Variants in PEX2 observed in about 807,000 individuals in gnomAD.
PEX2 encodes the protein peroxisome biogenesis factor 2.
A neutral mutation model predicts 25.2 loss-of-function variants in PEX2; 19 were observed. The observed-to-expected ratio is 0.75, with a 90% CI of 0.53 to 1.10. The LOEUF is 1.10. Ranked by LOEUF, PEX2 falls within the 50% of genes least tolerant of loss-of-function variation. The probability of loss-of-function intolerance (pLI) is 0.00; values close to 1 mark genes in which losing one functional copy is unlikely to be tolerated. For missense variants in PEX2, 347 were observed against 350.6 expected (o/e 0.99, Z 0.08); for synonymous variants, 141 against 127.7 (o/e 1.10, Z -0.70).
At chr8:76,989,121 C>T (rs1308463329) in intron 1 of PEX2, among the ~76,000 whole-genome samples, 1 of 151,226 alleles carries the variant, frequency 6.6e-6, no homozygotes, top group East Asian at 1.9e-4. Flanking sequence ...TGAGAGGCTG[C>T]AGTGAGCTGA....
At chr8:76,988,573 T>C (rs1267571407) in intron 1 of PEX2, among the ~76,000 whole-genome samples, 3 of 152,204 alleles carry the variant, frequency 2.0e-5, no homozygotes, top group Non-Finnish European at 4.4e-5. Context: ...CCTGCCTTGA[T>C]GTTGATGCCT....
Position 76,983,767 on chromosome 8 carries a change from A to G in PEX2, c.412T>C (p.Cys138Arg). 2 of 1,614,044 alleles carry G rather than the reference A, an allele frequency of 1.2e-6. No individual in the cohort carries two copies. The highest frequency in any genetic ancestry group is 2.2e-5 in the South Asian group (2 of 91,082). The change falls in exon 4 of 4, where the codon TGT becomes CGT. Residue 138 changes from cysteine (C) to arginine (R), a missense_variant. Transcript: ENST00000357039. ...AAAAGTCCAATCACAAAATTCACAC[A>G]CTGCTTGACTTTCCCAAATGATGCT... ...HLASFGKVKQ[C>R]VNFVIGLLKL...
At position 76,981,884 on chromosome 8, in the gene PEX2, C is replaced by T. The variant is rs1430825535; in HGVS notation, c.*1377G>A. 2.6e-5 allele frequency: 4 copies of T among 152,166 alleles called. No homozygotes were observed. Among genetic ancestry groups the T allele is most frequent in the African/African-American group, 7.2e-5 (3 of 41,430 alleles). 9.4% of individuals were successfully genotyped at this position (152,166 alleles called of 1,614,324 possible). ...ACTACAAAACTTCTTCAGTATCTTA[C>T]ACTAAATTGAACCTAAATTAAACTT... is the stretch of plus-strand genomic sequence containing the variant. On this transcript the variant is annotated 3_prime_UTR_variant, in exon 4 of 4. Coordinates refer to ENST00000357039, the MANE Select transcript of PEX2 (RefSeq NM_000318.3).
In PEX2 at chr8:76,983,812, A is replaced by T; in HGVS notation, c.367T>A (p.Leu123Met). Residue 123 changes from leucine (L) to methionine (M), a missense_variant, in exon 4 of 4, where the codon TTG becomes ATG. Physicochemically the swap from Leu to Met is conservative, Grantham distance 15. Transcript: ENST00000357039. ...GRWLEERCYD[L>M]FRNHHLASFG... is the part of the protein sequence containing the mutation. ...GATGCTAAATGATGGTTTCGAAACA[A>T]ATCATAGCATCGTTCTTCTAACCAC... 1 of 1,614,202 alleles carries T rather than the reference A, an allele frequency of 6.2e-7. No individual in the cohort carries two copies. The highest frequency in any genetic ancestry group is 8.5e-7 in the Non-Finnish European group (1 of 1,180,028).
intron 3 of PEX2, among the ~76,000 whole-genome samples, chr8:76,985,341 G>C (rs960739786): frequency 2.0e-5 from 3 of 152,080 alleles, no homozygotes. Flanking sequence ...TAGTCAAAGG[G>C]TGCAAATTTT....
In PEX2 at chr8:76,983,229, AT is replaced by A; in HGVS notation, c.*31del. ...AATATTAAGAATTTAAACACGGTGC[AT>A]TTTTTTCCTCAAAGGAAGCAATTTT... On this transcript the variant is annotated 3_prime_UTR_variant, in exon 4 of 4. Transcript: ENST00000357039. 2.5e-6 allele frequency: 4 copies of A among 1,606,162 alleles called. No homozygotes were observed. The highest frequency in any genetic ancestry group is 1.7e-6 in the Non-Finnish European group (2 of 1,179,750).
At position 76,983,311 on chromosome 8, in the gene PEX2, G is replaced by A. The variant is rs2132042893; in HGVS notation, c.868C>T (p.Leu290=). ...CPKCGTEVHS[L]QPLKSGIEMS... ...TCGATTCCTGATTTCAGTGGCTGCAGACTGTGTACTTCTGTGCCACACTTA... is the reference window on the plus strand; with the variant it reads ...TCGATTCCTGATTTCAGTGGCTGCAAACTGTGTACTTCTGTGCCACACTTA... The change falls in exon 4 of 4, where the codon CTG becomes TTG. Residue 290 remains leucine (L), a synonymous_variant. Coordinates refer to ENST00000357039, the MANE Select transcript of PEX2 (RefSeq NM_000318.3). The A allele has an allele frequency of 3.1e-6, 5 of 1,613,906 alleles. No homozygotes were observed. Among genetic ancestry groups the A allele is most frequent in the African/African-American group, 1.3e-5 (1 of 75,042 alleles).
chr8:76,987,453 G>C (rs774662277), intron 2 of PEX2, among the ~76,000 whole-genome samples: 14 of 152,110 alleles, frequency 9.2e-5, no homozygotes, highest in Non-Finnish European at 1.9e-4. Flanking sequence ...GAAAGAAGCA[G>C]GAGACAGGTC....
In PEX2 at chr8:76,984,258, C is replaced by G. The variant is rs529037771; in HGVS notation, c.-17-63G>C. On this transcript the variant is annotated intron_variant, in intron 3 of 3. Transcript: ENST00000357039. ...TTGCAATCTTGTACAACCTCCTCAA[C>G]TTATGCCTGGAAACTGTCATACACA... 8.2e-6 allele frequency: 11 copies of G among 1,338,952 alleles called. No homozygotes were observed. In the South Asian group the frequency reaches 1.2e-4, roughly 14 times the overall value. The allele number at this position is 1,338,952 out of a possible 1,614,324, so 82.9% of individuals were successfully genotyped here. A position where few individuals can be genotyped will look rare whatever the true frequency, so the allele number is the denominator to read the frequency against.
rs1806879000 is a variant in PEX2 at position 76,982,884 on chromosome 8, A to AT, written c.*376dup. The AT allele has an allele frequency of 7.4e-6, 2 of 271,866 alleles. No homozygotes were observed. Among genetic ancestry groups the AT allele is most frequent in the African/African-American group, 2.3e-5 (1 of 43,712 alleles). 16.8% of individuals were successfully genotyped at this position (271,866 alleles called of 1,614,324 possible). On this transcript the variant is annotated 3_prime_UTR_variant, in exon 4 of 4. Transcript: ENST00000357039. ...ACAGTCTCATAATTGTCACATTATC[A>AT]TATTATGTCAACTCTGAAAATAAAT... is the stretch of plus-strand genomic sequence containing the variant.
chr8:77,000,063 T>G lies in PEX2; in HGVS notation c.-233A>C. 2.3e-6 allele frequency: 1 copy of G among 426,186 alleles called. No individual in the cohort carries two copies. Among genetic ancestry groups the G allele is most frequent in the South Asian group, 1.7e-5 (1 of 60,278 alleles). The allele number at this position is 426,186 out of a possible 1,614,324, so 26.4% of individuals were successfully genotyped here. ...ATTCTCTGGAAAGCTTGTCTTTTCCTAGCCGAATCTGGATTACCAAGGCTT... is the reference window on the plus strand; with the variant it reads ...ATTCTCTGGAAAGCTTGTCTTTTCCGAGCCGAATCTGGATTACCAAGGCTT... On this transcript the variant is annotated 5_prime_UTR_variant, in exon 1 of 4. Coordinates refer to ENST00000357039, the MANE Select transcript of PEX2 (RefSeq NM_000318.3).
At chr8:76,996,264 T>A (rs1389283135) in intron 1 of PEX2, among the ~76,000 whole-genome samples, 1 of 152,230 alleles carries the variant, frequency 6.6e-6, no homozygotes, top group Non-Finnish European at 1.5e-5. Flanking sequence ...TTAATCCTTA[T>A]AATACTAATA....
intron 1 of PEX2, among the ~76,000 whole-genome samples, chr8:76,998,707 A>G (rs959323718): frequency 1.3e-5 from 2 of 152,322 alleles, no homozygotes; most frequent in African/African-American, 4.8e-5. Context: ...TGTTAAAATA[A>G]ACCTGAGGGT....
At position 76,981,469 on chromosome 8, in the gene PEX2, A is replaced by C. The variant is rs1226115797; in HGVS notation, c.*1792T>G. On this transcript the variant is annotated 3_prime_UTR_variant, in exon 4 of 4. Transcript: ENST00000357039. ...CTGGGTGAGGCCCTTTCTCACCAAA[A>C]ACAAACAAACAAACAAAAAACAAAG... is the stretch of plus-strand genomic sequence containing the variant. 6.6e-6 allele frequency: 1 copy of C among 152,120 alleles called. No homozygotes were observed. 9.4% of individuals were successfully genotyped at this position (152,120 alleles called of 1,614,324 possible). A position where few individuals can be genotyped will look rare whatever the true frequency, so the allele number is the denominator to read the frequency against.
intron 1 of PEX2, among the ~76,000 whole-genome samples, chr8:76,991,065 A>G (rs1015818624): frequency 3.3e-5 from 5 of 152,214 alleles, no homozygotes; most frequent in African/African-American, 1.2e-4. Flanking sequence ...TGAAATCATC[A>G]AACTATGCGT....
intron 1 of PEX2, among the ~76,000 whole-genome samples, chr8:76,989,369 C>A (rs1254343541): frequency 6.6e-6 from 1 of 152,166 alleles, no homozygotes; most frequent in East Asian, 1.9e-4. Context: ...GAATCAACTT[C>A]TTACAAACTC....
At chr8:76,990,448 TG>T (rs898988028) in intron 1 of PEX2, among the ~76,000 whole-genome samples, 3 of 152,196 alleles carry the variant, frequency 2.0e-5, no homozygotes, top group Non-Finnish European at 4.4e-5. Context: ...TGGCCTGTGT[TG>T]GCTTCTGACA....
intron 1 of PEX2, among the ~76,000 whole-genome samples, chr8:76,989,401 CCTT>C (rs1229925643): frequency 6.6e-6 from 1 of 152,166 alleles, no homozygotes; most frequent in Non-Finnish European, 1.5e-5. Context: ...GATATGTTGA[CCTT>C]CTCTCACGAA....
intron 1 of PEX2, among the ~76,000 whole-genome samples, chr8:76,999,534 G>C (rs1392179448): frequency 6.6e-6 from 1 of 152,050 alleles, no homozygotes; most frequent in Non-Finnish European, 1.5e-5. Context: ...ATTTACGTGC[G>C]CTTTCAACAG....
Sources: allele counts gnomAD v4.1 joint callset (sites outside exome capture counted in the v4.1 genomes callset), GRCh38; gene constraint gnomAD v4.1.1; transcripts MANE v1.5; gene names NCBI Gene and HGNC (gene_info 2026-07-23, HGNC 2026-07-21).